CRLF2: variants seen among roughly 807,000 people sequenced by gnomAD.
CRLF2 encodes cytokine receptor like factor 2.
In CRLF2, 41 loss-of-function variants were observed where a neutral mutation model predicts 38.7. The observed-to-expected ratio is 1.06, with a 90% CI of 0.83 to 1.37. The LOEUF (loss-of-function observed/expected upper bound fraction) is 1.37. Among genes scored for constraint, CRLF2 ranks in the 40% most tolerant of loss-of-function variants. The pLI is 0.00. For missense variants in CRLF2, 377 were observed against 322.2 expected (o/e 1.17, Z -1.30); for synonymous variants, 140 against 128.8 (o/e 1.09, Z -0.59).
chrX:1,195,743 A>G (rs1220211721), intron 6 of CRLF2, among the ~76,000 whole-genome samples: 1 of 136,476 alleles, frequency 7.3e-6, no homozygotes, highest in Non-Finnish European at 1.6e-5. Flanking sequence ...ATATTTTTAT[A>G]AATATATATA....
chrX:1,210,264 A>G, intron 1 of CRLF2, among the ~76,000 whole-genome samples: 1 of 152,092 alleles, frequency 6.6e-6, no homozygotes, highest in Admixed American at 6.6e-5. Flanking sequence ...CAATGGAAAT[A>G]TTTTAGAATT....
At chrX:1,203,255 AGAG>A (rs1253979927) in intron 3 of CRLF2, among the ~76,000 whole-genome samples, 1 of 152,134 alleles carries the variant, frequency 6.6e-6, no homozygotes, top group African/African-American at 2.4e-5. Context: ...ATGCAGACAC[AGAG>A]GAGGAGGCCA....
At chrX:1,196,650 G>T (rs62605908) in intron 6 of CRLF2, 130 bp downstream of exon 6, 127,754 of 1,183,122 alleles carry the variant, frequency 0.11, 7,192 homozygotes, top group Middle Eastern at 0.13. Context: ...TCCACCATCA[G>T]AAGAGTGGGC....
At chrX:1,195,782 AATT>A (rs2086462576) in intron 6 of CRLF2, among the ~76,000 whole-genome samples, 3 of 125,286 alleles carry the variant, frequency 2.4e-5, no homozygotes, top group Non-Finnish European at 4.8e-5. Context: ...ATATTTATAT[AATT>A]TTATATATAT....
rs2086375028 is a variant in CRLF2 at position 1,191,344 on chromosome X, TCCTTCTTTCTTTCTTTC to T, written c.853-201_853-185del. ...TTCTTTCTTTCTTTCTTTCTTTCTT[TCCTTCTTTCTTTCTTTC>T]CTTTCTTTCTCTTTCTTTCTTTCTC... On this transcript the variant is annotated intron_variant, in intron 7 of 7. Transcript: ENST00000400841. 2.9e-4 allele frequency among the ~76,000 whole-genome samples: 29 copies of T among 100,974 alleles called. 1 individual carries two copies. Among genetic ancestry groups the T allele is most frequent in the South Asian group, 1.0e-3 (3 of 2,878 alleles). 66.2% of individuals were successfully genotyped at this position (100,974 alleles called of 152,430 possible). A position where few individuals can be genotyped will look rare whatever the true frequency, so the allele number is the denominator to read the frequency against.
intron 2 of CRLF2, among the ~76,000 whole-genome samples, chrX:1,207,400 C>T (rs1206823498): frequency 6.6e-5 from 10 of 151,950 alleles, no homozygotes; most frequent in Non-Finnish European, 8.8e-5. Context: ...GGATTACAGG[C>T]GCACGCCCCC....
rs1163439577 is a variant in CRLF2, at chrX:1,200,589, GTGTGTATATAAGA to G, written c.483+1800_483+1812del. Among the ~76,000 whole-genome samples, 4 of 108,120 alleles carry G rather than the reference GTGTGTATATAAGA, an allele frequency of 3.7e-5. 1 individual carries two copies. In the Admixed American group the frequency reaches 4.1e-4, roughly 11 times the overall value. 70.9% of individuals were successfully genotyped at this position (108,120 alleles called of 152,430 possible). ...ATATAAGCTGTGTGTGTGTATATAT[GTGTGTATATAAGA>G]TGTGTATATACGTGTGTATAAATAT... On this transcript the variant is annotated intron_variant, in intron 4 of 7. Coordinates refer to ENST00000400841, the MANE Select transcript of CRLF2 (RefSeq NM_022148.4).
intron 5 of CRLF2, among the ~76,000 whole-genome samples, 187 bp downstream of exon 5, chrX:1,198,375 G>C (rs1404260358): frequency 7.2e-6 from 1 of 138,476 alleles, no homozygotes; most frequent in East Asian, 2.1e-4. Context: ...CTCCCGGGAA[G>C]ATAGGACACC....
At chrX:1,210,209 G>C (rs2086773725) in intron 1 of CRLF2, among the ~76,000 whole-genome samples, 1 of 152,106 alleles carries the variant, frequency 6.6e-6, no homozygotes, top group African/African-American at 2.4e-5. Flanking sequence ...GACTTCAGTA[G>C]GTTTGATGTT....
At chrX:1,212,167 G>A (rs1450366250) in intron 1 of CRLF2, among the ~76,000 whole-genome samples, 1 of 151,850 alleles carries the variant, frequency 6.6e-6, no homozygotes, top group East Asian at 1.9e-4. Flanking sequence ...TGGATGGATG[G>A]GTGATTAATG....
chrX:1,199,611 T>C (rs1232353325), intron 4 of CRLF2, among the ~76,000 whole-genome samples: 1 of 152,116 alleles, frequency 6.6e-6, no homozygotes. Flanking sequence ...TGTATCTACA[T>C]ATCTTTACAG....
At chrX:1,192,220 A>AAAAAAC (rs1264203037) in intron 7 of CRLF2, among the ~76,000 whole-genome samples, 1 of 124,784 alleles carries the variant, frequency 8.0e-6, no homozygotes, top group African/African-American at 2.9e-5. Flanking sequence ...AAAAAAAAAA[A>AAAAAAC]CAAAAAAAAC....
rs112992859 is a variant in CRLF2, at chrX:1,197,288, A to ATT, written c.647-390_647-389dup. Among the ~76,000 whole-genome samples the ATT allele has an allele frequency of 9.0e-4, 126 of 139,824 alleles. 1 individual carries two copies. Among genetic ancestry groups the ATT allele is most frequent in the Middle Eastern group, 3.6e-3 (1 of 276 alleles). 91.7% of individuals were successfully genotyped at this position (139,824 alleles called of 152,430 possible). A position where few individuals can be genotyped will look rare whatever the true frequency, so the allele number is the denominator to read the frequency against. ...TTGTATTTTTAGTAGAGATGGACCT[A>ATT]TTTTTTTTTTTTAATGAATGTTAGT... is the stretch of plus-strand genomic sequence containing the variant. On this transcript the variant is annotated intron_variant, in intron 5 of 7. Transcript: ENST00000400841.
At chrX:1,201,277 C>CCTGTGTGTGT (rs200547508) in intron 4 of CRLF2, among the ~76,000 whole-genome samples, 28,545 of 150,744 alleles carry the variant, frequency 0.19, 3,460 homozygotes, top group African/African-American at 0.34. Context: ...TGTGTGTGTG[C>CCTGTGTGTGT]CTGTGTGTGT....
intron 1 of CRLF2, among the ~76,000 whole-genome samples, chrX:1,209,294 T>TGTAG (rs2086749077): frequency 2.6e-4 from 37 of 142,522 alleles, no homozygotes; most frequent in African/African-American, 5.5e-4. Flanking sequence ...TTGCATTGTA[T>TGTAG]TGTAGTGTAG....
chrX:1,209,072 AT>A (rs1161018085), intron 1 of CRLF2, among the ~76,000 whole-genome samples, 164 bp from the exon 2 acceptor site: 1 of 151,384 alleles, frequency 6.6e-6, no homozygotes, highest in Non-Finnish European at 1.5e-5. Context: ...GGTTCAAGCG[AT>A]TCCCCTGCCT....
At chrX:1,196,633 C>G (rs1222322311) in intron 6 of CRLF2, 147 bp downstream of exon 6, 109 of 1,083,196 alleles carry the variant, frequency 1.0e-4, no homozygotes, top group Non-Finnish European at 1.4e-4. Context: ...TCCGAAATTT[C>G]TTATAATCCA....
chrX:1,209,037 G>A (rs1386125612), intron 1 of CRLF2, 129 bp from the exon 2 acceptor site: 9 of 596,454 alleles, frequency 1.5e-5, no homozygotes, highest in African/African-American at 1.9e-5. Flanking sequence ...GCACGATCTC[G>A]GCTCACTGCA....
rs1289058658 is a variant in CRLF2, at chrX:1,191,144, G to A, written c.869C>T (p.Thr290Ile). 2 of 398,530 alleles carry A rather than the reference G, an allele frequency of 5.0e-6. No homozygotes were observed. Among genetic ancestry groups the A allele is most frequent in the African/African-American group, 4.1e-5 (2 of 48,598 alleles). The allele number at this position is 398,530 out of a possible 1,614,324, so 24.7% of individuals were successfully genotyped here. ...QGNFQEWITD[T>I]QNVAHLHKMA... is the part of the protein sequence containing the mutation. ...CTTGTGGAGGTGGGCCACGTTCTGG[G>A]TGTCTGTGATCCACTCCTACCAGGA... Residue 290 changes from threonine (T) to isoleucine (I), a missense_variant, in exon 8 of 8, where the codon ACC becomes ATC. Transcript: ENST00000400841.
Sources: allele counts gnomAD v4.1 joint callset (sites outside exome capture counted in the v4.1 genomes callset), GRCh38; gene constraint gnomAD v4.1.1; transcripts MANE v1.5; gene names NCBI Gene and HGNC (gene_info 2026-07-23, HGNC 2026-07-21).